Variants in AOPEP observed in about 807,000 individuals in gnomAD.
AOPEP encodes aminopeptidase O.
Under a neutral mutation model 98.1 loss-of-function variants are expected in AOPEP, and 77 were observed. That is an observed-to-expected ratio of 0.78 (90% confidence interval 0.65 to 0.95). The LOEUF is 0.95. Ranked by LOEUF, AOPEP falls within the 40% of genes least tolerant of loss-of-function variation. AOPEP has a pLI of 0.00. For missense variants in AOPEP, 1,024 were observed against 1,024.7 expected (o/e 1.00, Z 0.01); for synonymous variants, 346 against 365.3 (o/e 0.95, Z 0.60).
At chr9:94,857,092 C>G (rs544629796) in intron 5 of AOPEP, among the ~76,000 whole-genome samples, 3 of 152,312 alleles carry the variant, frequency 2.0e-5, no homozygotes, top group African/African-American at 7.2e-5. Context: ...TAACTGCTTT[C>G]CAAAGCTGCT....
intron 5 of AOPEP, among the ~76,000 whole-genome samples, chr9:94,903,247 T>C (rs1564353359): frequency 6.6e-6 from 1 of 151,730 alleles, no homozygotes; most frequent in African/African-American, 2.4e-5. Flanking sequence ...CCTCCCAAAG[T>C]GCTGGGATTA....
the AOPEP span, chr9:95,123,644 G>A: frequency 1.6e-6 from 1 of 619,454 alleles, no homozygotes; most frequent in Non-Finnish European, 3.1e-6. Context: ...ATTCATCATT[G>A]GAAACACAGT....
At chr9:94,745,090 ACT>A (rs1345561506) in intron 1 of AOPEP, among the ~76,000 whole-genome samples, 1 of 151,958 alleles carries the variant, frequency 6.6e-6, no homozygotes. Flanking sequence ...TTCCAATCAT[ACT>A]CTCAGTTATT....
At chr9:94,969,359 C>T (rs1201610141) in intron 10 of AOPEP, among the ~76,000 whole-genome samples, 1 of 151,890 alleles carries the variant, frequency 6.6e-6, no homozygotes, top group East Asian at 1.9e-4. Context: ...CCAACCCTCT[C>T]CTAATTTCCT....
chr9:94,771,249 C>A (rs189597818), intron 2 of AOPEP, among the ~76,000 whole-genome samples: 13 of 152,240 alleles, frequency 8.5e-5, no homozygotes, highest in Admixed American at 7.8e-4. Context: ...CACAGAGTTA[C>A]CCTATGCAAA....
At chr9:94,871,532 G>A (rs1269696150) in intron 5 of AOPEP, among the ~76,000 whole-genome samples, 1 of 152,156 alleles carries the variant, frequency 6.6e-6, no homozygotes, top group African/African-American at 2.4e-5. Flanking sequence ...CTCAGCATGT[G>A]CTGTTTTTGG....
At chr9:95,046,646 G>A (rs935517796) in intron 13 of AOPEP, among the ~76,000 whole-genome samples, 1 of 152,186 alleles carries the variant, frequency 6.6e-6, no homozygotes, top group South Asian at 2.1e-4. Context: ...CTGGGAGTGT[G>A]GGGAACATAG....
chr9:94,965,603 A>G (rs571284117), intron 9 of AOPEP, among the ~76,000 whole-genome samples: 13 of 152,378 alleles, frequency 8.5e-5, no homozygotes, highest in African/African-American at 3.1e-4. Flanking sequence ...TACTGCTTCC[A>G]TCTCACAGTT....
intron 5 of AOPEP, among the ~76,000 whole-genome samples, chr9:94,820,764 G>T (rs891933924): frequency 6.6e-6 from 1 of 152,160 alleles, no homozygotes; most frequent in Admixed American, 6.5e-5. Context: ...TTTCTGTTTG[G>T]GGAAATCTTA....
intron 5 of AOPEP, among the ~76,000 whole-genome samples, chr9:94,827,614 G>A (rs1325815081): frequency 6.6e-6 from 1 of 152,162 alleles, no homozygotes; most frequent in Non-Finnish European, 1.5e-5. Flanking sequence ...GAACTGTTTA[G>A]AGGCTCCTAC....
chr9:95,057,333 T>C (rs147762118), intron 13 of AOPEP, among the ~76,000 whole-genome samples: 86 of 152,366 alleles, frequency 5.6e-4, no homozygotes, highest in African/African-American at 2.0e-3. Flanking sequence ...TGAAGTTTGC[T>C]TTGATTTCCA....
At chr9:94,754,642 A>G (rs1041193088) in intron 1 of AOPEP, among the ~76,000 whole-genome samples, 1 of 152,232 alleles carries the variant, frequency 6.6e-6, no homozygotes, top group Admixed American at 6.5e-5. Flanking sequence ...TTGGATGGCA[A>G]TTCCACAAAT....
At chr9:94,768,435 G>A (rs1052955923) in intron 2 of AOPEP, among the ~76,000 whole-genome samples, 1 of 152,240 alleles carries the variant, frequency 6.6e-6, no homozygotes, top group Non-Finnish European at 1.5e-5. Flanking sequence ...ATGGTTTTAA[G>A]CAATCCCTTA....
At chr9:94,899,329 C>T (rs1159048949) in intron 5 of AOPEP, among the ~76,000 whole-genome samples, 3 of 147,952 alleles carry the variant, frequency 2.0e-5, no homozygotes, top group Non-Finnish European at 3.0e-5. Flanking sequence ...GGACTATAGG[C>T]GCCCGCCACC....
chr9:95,136,147 T>C, the AOPEP span, among the ~76,000 whole-genome samples: 6 of 152,100 alleles, frequency 3.9e-5, no homozygotes, highest in Non-Finnish European at 5.9e-5. Context: ...TCCCAACACT[T>C]TGAGAGACTG....
intron 13 of AOPEP, among the ~76,000 whole-genome samples, chr9:95,009,068 A>G (rs78098611): frequency 0.052 from 7,937 of 152,284 alleles, 709 homozygotes; most frequent in African/African-American, 0.18. Flanking sequence ...ACTAACGAAG[A>G]ACAATTAGGA....
At chr9:94,895,414 GAAA>G (rs5899235) in intron 5 of AOPEP, among the ~76,000 whole-genome samples, 9 of 57,538 alleles carry the variant, frequency 1.6e-4, no homozygotes, top group African/African-American at 4.2e-4. Flanking sequence ...ACACAAAAAG[GAAA>G]AAAAAAAAAA....
At chr9:95,029,193 G>C (rs2064093298) in intron 13 of AOPEP, among the ~76,000 whole-genome samples, 1 of 152,186 alleles carries the variant, frequency 6.6e-6, no homozygotes, top group African/African-American at 2.4e-5. Context: ...TGGGGAAACT[G>C]GGGGTGCCAG....
At chr9:95,009,049 G>A (rs761893500) in intron 13 of AOPEP, among the ~76,000 whole-genome samples, 12 of 152,134 alleles carry the variant, frequency 7.9e-5, no homozygotes, top group Non-Finnish European at 1.5e-4. Flanking sequence ...AACAAGGAAA[G>A]TATGAATAAC....
Sources: allele counts gnomAD v4.1 joint callset (sites outside exome capture counted in the v4.1 genomes callset), GRCh38; gene constraint gnomAD v4.1.1; transcripts MANE v1.5; gene names NCBI Gene and HGNC (gene_info 2026-07-23, HGNC 2026-07-21).